Variants in SYTL2 observed in about 807,000 individuals in gnomAD.
SYTL2 encodes the protein synaptotagmin like 2.
Under a neutral mutation model 198.7 loss-of-function variants are expected in SYTL2, and 165 were observed. The ratio of observed to expected loss-of-function variants is 0.83; its 90% CI spans 0.73 to 0.94. The LOEUF (loss-of-function observed/expected upper bound fraction) is 0.94, where lower values mean the gene tolerates loss of function less well. Ranked by LOEUF, SYTL2 falls within the 40% of genes least tolerant of loss-of-function variation. The pLI is 0.00. For missense variants in SYTL2, 2,835 were observed against 2,582.8 expected (o/e 1.10, Z -2.12); for synonymous variants, 966 against 917.7 (o/e 1.05, Z -0.95).
At chr11:85,853,365 A>T in the SYTL2 span, 1 of 442,238 alleles carries the variant, frequency 2.3e-6, no homozygotes, top group South Asian at 1.6e-5. Flanking sequence ...CCTTGCCCCC[A>T]ACCCGGTGCT....
intron 1 of SYTL2, among the ~76,000 whole-genome samples, chr11:85,810,264 TG>T (rs1214753270): frequency 6.6e-6 from 1 of 151,948 alleles, no homozygotes; most frequent in Non-Finnish European, 1.5e-5. Context: ...AGGCAGGAAG[TG>T]GAGCCCCTCA....
the SYTL2 span, chr11:85,852,876 T>C: frequency 1.2e-5 from 3 of 244,962 alleles, no homozygotes; most frequent in South Asian, 1.0e-4. Flanking sequence ...GCCTGCCCAG[T>C]CTGGGAAGTC....
intron 14 of SYTL2, chr11:85,708,263 T>C (rs1404434174): frequency 3.7e-6 from 1 of 269,404 alleles, no homozygotes; most frequent in African/African-American, 2.4e-5. Context: ...GCAGTATTTT[T>C]AAGTTTTTGT....
At chr11:85,786,445 G>A (rs556995813) in intron 1 of SYTL2, among the ~76,000 whole-genome samples, 1 of 152,288 alleles carries the variant, frequency 6.6e-6, no homozygotes, top group African/African-American at 2.4e-5. Context: ...TATCTGAGTT[G>A]TGATATACTA....
At chr11:85,696,425 A>T (rs2083418196) in intron 18 of SYTL2, 37 bp from the exon 19 acceptor site, 2 of 1,496,192 alleles carry the variant, frequency 1.3e-6, no homozygotes, top group East Asian at 4.5e-5. Flanking sequence ...GCATTTTAGT[A>T]AGATAGTGAA....
chr11:85,840,840 T>C, the SYTL2 span, among the ~76,000 whole-genome samples: 1,192 of 151,926 alleles, frequency 7.8e-3, 11 homozygotes, highest in African/African-American at 0.025. Flanking sequence ...CCAAAAGCAA[T>C]TGCAATAAAA....
At chr11:85,825,027 G>C in the SYTL2 span, among the ~76,000 whole-genome samples, 3 of 152,178 alleles carry the variant, frequency 2.0e-5, no homozygotes, top group African/African-American at 7.2e-5. Flanking sequence ...TAAGAGGCTG[G>C]AGAATGAATG....
chr11:85,788,824 A>G (rs1376770578), intron 1 of SYTL2, among the ~76,000 whole-genome samples: 1 of 152,014 alleles, frequency 6.6e-6, no homozygotes, highest in Non-Finnish European at 1.5e-5. Context: ...ACTGAGACAC[A>G]GAATGTCCCC....
chr11:85,836,457 C>T, the SYTL2 span, among the ~76,000 whole-genome samples: 1 of 151,746 alleles, frequency 6.6e-6, no homozygotes, highest in Non-Finnish European at 1.5e-5. Flanking sequence ...CATGTATATA[C>T]GTATGGCACT....
chr11:85,777,812 C>CTTTTTT (rs57873368), intron 1 of SYTL2, among the ~76,000 whole-genome samples: 2,676 of 63,258 alleles, frequency 0.042, 422 homozygotes, highest in South Asian at 0.047. Context: ...GGTCTTACTT[C>CTTTTTT]TTTTTTTTTT....
At chr11:85,778,348 T>G (rs1043851034) in intron 1 of SYTL2, among the ~76,000 whole-genome samples, 4 of 152,184 alleles carry the variant, frequency 2.6e-5, no homozygotes, top group Admixed American at 2.6e-4. Flanking sequence ...GACTATTTGA[T>G]AGTGTTACCC....
rs571893447 is a variant in SYTL2, at chr11:85,765,247, T to G, written c.-389-7133A>C. Among the ~76,000 whole-genome samples, 11 of 152,154 alleles carry G rather than the reference T, an allele frequency of 7.2e-5. No homozygotes were observed. In the South Asian group the frequency reaches 1.0e-3, roughly 14 times the overall value. ...TAAGCTATCCAACAATAGGTTGCCT[T>G]TTTTTTTGAGACAGAGTCTCGCCCT... is the stretch of plus-strand genomic sequence containing the variant. On this transcript the variant is annotated intron_variant, in intron 1 of 19. Coordinates refer to ENST00000359152, the MANE Select transcript of SYTL2 (RefSeq NM_206927.4).
At chr11:85,764,245 C>T (rs952382083) in intron 1 of SYTL2, among the ~76,000 whole-genome samples, 9 of 152,208 alleles carry the variant, frequency 5.9e-5, no homozygotes, top group African/African-American at 1.7e-4. Flanking sequence ...CTCAACTGTT[C>T]CTCACATGTT....
intron 13 of SYTL2, 25 bp from the exon 14 acceptor site, chr11:85,709,525 G>A (rs1166198036): frequency 6.2e-7 from 1 of 1,607,438 alleles, no homozygotes; most frequent in Non-Finnish European, 8.5e-7. Flanking sequence ...AATACATAGT[G>A]TTTGTCTCTA....
intron 6 of SYTL2, among the ~76,000 whole-genome samples, 169 bp from the exon 7 acceptor site, chr11:85,734,911 A>T (rs2090184709): frequency 6.6e-6 from 1 of 152,246 alleles, no homozygotes; most frequent in Non-Finnish European, 1.5e-5. Context: ...AAATTCATGC[A>T]TTGGAGCACA....
At chr11:85,728,602 T>A (rs1415496924) in intron 7 of SYTL2, among the ~76,000 whole-genome samples, 1 of 152,186 alleles carries the variant, frequency 6.6e-6, no homozygotes, top group Non-Finnish European at 1.5e-5. Context: ...ACATTTTAAA[T>A]GTTAATTTTC....
chr11:85,723,199 G>T (rs1271842038), intron 8 of SYTL2, among the ~76,000 whole-genome samples: 1 of 152,118 alleles, frequency 6.6e-6, no homozygotes. Flanking sequence ...CAGCCTGGCC[G>T]CCAAAACCAA....
At chr11:85,719,514 TTC>T (rs1491017391) in intron 9 of SYTL2, 52 of 176,042 alleles carry the variant, frequency 3.0e-4, no homozygotes, top group Non-Finnish European at 4.6e-4. Context: ...GATTTTTTTT[TTC>T]TTTTTTTCTT....
At position 85,713,734 on chromosome 11, in the gene SYTL2, G is replaced by A. The variant is rs77945113; in HGVS notation, c.5625+679C>T. On this transcript the variant is annotated intron_variant, in intron 12 of 19. Transcript: ENST00000359152. ...AGTGAGATGACAGAATGAGTATTAG[G>A]TACCTGGCACATATTAGGTACTCAA... is the stretch of plus-strand genomic sequence containing the variant. Among the ~76,000 whole-genome samples the A allele has an allele frequency of 3.7e-3, 565 of 152,246 alleles. 3 individuals carry two copies. The highest frequency in any genetic ancestry group is 6.8e-3 in the Middle Eastern group (2 of 294).
Sources: gnomAD v4.1 joint callset for allele counts (sites outside exome capture counted in the v4.1 genomes callset) on GRCh38, gnomAD v4.1.1 for gene constraint, MANE v1.5 for transcripts, NCBI Gene and HGNC (gene_info 2026-07-23, HGNC 2026-07-21) for gene names.